The following MIER3 variants were observed in gnomAD, a reference collection of about 807,000 sequenced individuals.
MIER3 encodes the protein mesoderm induction early response protein 3.
A neutral mutation model predicts 63.2 loss-of-function variants in MIER3; 9 were observed. That is an observed-to-expected ratio of 0.14 (90% CI 0.09 to 0.25). The LOEUF is 0.25. MIER3 is among the 10% of genes least tolerant of loss of function. The pLI is 1.00. For synonymous variants in MIER3, 205 were observed against 224.9 expected (o/e 0.91, Z 0.79); for missense variants, 512 against 666.2 (o/e 0.77, Z 2.55).
rs551087924 is a variant in MIER3 at position 56,946,305 on chromosome 5, C to T, written c.180+621G>A. Among the ~76,000 whole-genome samples the T allele has an allele frequency of 2.0e-5, 3 of 152,254 alleles. No individual in the cohort carries two copies. In the Middle Eastern group the frequency reaches 0.01, roughly 518 times the overall value. The stretch of plus-strand genomic sequence containing the variant: ...ATCCTACACGTTTTCAAGGTGACCC[C>T]TATAGGGACCTCTCTATATACAGTC... On this transcript the variant is annotated intron_variant, in intron 3 of 12. Coordinates refer to ENST00000381199, the MANE Select transcript of MIER3 (RefSeq NM_001297599.2).
In MIER3 at chr5:56,946,896, T is replaced by G. The variant is rs754754706; in HGVS notation, c.180+30A>C. The G allele has an allele frequency of 2.3e-5, 33 of 1,407,472 alleles. No homozygotes were observed. The African/African-American group carries it at 5.0e-4, about 21-fold the overall frequency. The allele number at this position is 1,407,472 out of a possible 1,614,324, so 87.2% of individuals were successfully genotyped here. On this transcript the variant is annotated intron_variant, in intron 3 of 12. Transcript: ENST00000381199. Reference sequence around the variant, plus strand: ...TACAACAGAATTTCAAAATCTTTGTTAAGTTTGTATATTAAAGTAAATCTT... The same window carrying G: ...TACAACAGAATTTCAAAATCTTTGTGAAGTTTGTATATTAAAGTAAATCTT...
chr5:56,944,405 C>T (rs887711677), intron 3 of MIER3, among the ~76,000 whole-genome samples: 5 of 151,984 alleles, frequency 3.3e-5, no homozygotes, highest in Admixed American at 1.3e-4. Context: ...GGCGTGAATC[C>T]GGGAGGCGGA....
Position 56,935,714 on chromosome 5 carries a change from A to C in MIER3, c.474T>G (p.Val158=). ...TACCACTGTCTGTTTCAACATCTTC[A>C]ACCTCTGATTCCTTATCACCATCAC... is the stretch of plus-strand genomic sequence containing the variant. ...TACDGDKESE[V]EDVETDSGNS... Residue 158 remains valine, a synonymous_variant, in exon 6 of 13, where the codon GTT becomes GTG. Coordinates refer to ENST00000381199, the MANE Select transcript of MIER3 (RefSeq NM_001297599.2). 2.5e-6 allele frequency: 4 copies of C among 1,614,090 alleles called. No homozygotes were observed. Among genetic ancestry groups the C allele is most frequent in the Non-Finnish European group, 3.4e-6 (4 of 1,179,994 alleles).
chr5:56,923,805 T>C lies in MIER3; in HGVS notation c.1081A>G (p.Thr361Ala). 1.2e-6 allele frequency: 2 copies of C among 1,614,208 alleles called. No individual in the cohort carries two copies. The highest frequency in any genetic ancestry group is 1.1e-5 in the South Asian group (1 of 91,084). ...TTTACCGTCCCACCCAAAGCTTCTGTTTCATCTACTAAACGATCCATATAG... is the reference window on the plus strand; with the variant it reads ...TTTACCGTCCCACCCAAAGCTTCTGCTTCATCTACTAAACGATCCATATAG... ...TDYMDRLVDE[T>A]EALGGTVNAS... The change falls in exon 12 of 13, where the codon ACA becomes GCA. Residue 361 changes from threonine to alanine, a missense_variant. Thr to Ala is a moderately conservative substitution (Grantham distance 58). Coordinates refer to ENST00000381199, the MANE Select transcript of MIER3 (RefSeq NM_001297599.2).
chr5:56,920,458 A>C lies in MIER3; in HGVS notation c.*2670T>G, dbSNP rs534728486. Reference sequence around the variant, plus strand: ...AAATAATGGGGCAAAGGAAAAAAAAACAAAAAGAATTTATCACAGTTTGTT... The same window carrying C: ...AAATAATGGGGCAAAGGAAAAAAAACCAAAAAGAATTTATCACAGTTTGTT... On this transcript the variant is annotated 3_prime_UTR_variant, in exon 13 of 13. Coordinates refer to ENST00000381199, the MANE Select transcript of MIER3 (RefSeq NM_001297599.2). The C allele has an allele frequency of 2.9e-4, 44 of 152,700 alleles. No individual in the cohort carries two copies. The highest frequency in any genetic ancestry group is 1.1e-3 in the African/African-American group (44 of 41,578). The allele number at this position is 152,700 out of a possible 1,614,324, so 9.5% of individuals were successfully genotyped here. A position where few individuals can be genotyped will look rare whatever the true frequency, so the allele number is the denominator to read the frequency against.
At chr5:56,947,199 T>C (rs1441228898) in intron 2 of MIER3, 128 bp from the exon 3 acceptor site, 6 of 899,748 alleles carry the variant, frequency 6.7e-6, no homozygotes, top group African/African-American at 1.8e-5. Flanking sequence ...GAATTTACTA[T>C]ATAATTTATA....
chr5:56,949,314 T>C (rs1750935601), intron 2 of MIER3, among the ~76,000 whole-genome samples: 1 of 151,972 alleles, frequency 6.6e-6, no homozygotes, highest in East Asian at 1.9e-4. Context: ...GATTGCCCCA[T>C]TGCACTCCAG....
Position 56,924,455 on chromosome 5 carries a change from C to G in MIER3, c.925-413G>C, listed in dbSNP as rs1749860218. 3.3e-5 allele frequency among the ~76,000 whole-genome samples: 5 copies of G among 152,138 alleles called. No homozygotes were observed. In the South Asian group the frequency reaches 1.0e-3, roughly 31 times the overall value. On this transcript the variant is annotated intron_variant, in intron 10 of 12. Coordinates refer to ENST00000381199, the MANE Select transcript of MIER3 (RefSeq NM_001297599.2). ...GTCCATAAATGGATTTCATTGAGAT[C>G]TATTAATTCACAAAATTATATTTAG...
intron 3 of MIER3, 141 bp from the exon 4 acceptor site, chr5:56,939,158 G>T: frequency 1.1e-6 from 1 of 890,696 alleles, no homozygotes; most frequent in Non-Finnish European, 1.6e-6. Context: ...TTTTCTTTTT[G>T]TGCTGTTGTC....
At chr5:56,950,562 G>A in intron 2 of MIER3, 66 bp downstream of exon 2, 2 of 1,521,590 alleles carry the variant, frequency 1.3e-6, no homozygotes, top group South Asian at 1.1e-5. Context: ...GAATCCTTTA[G>A]CAACAGACCT....
At position 56,923,309 on chromosome 5, in the gene MIER3, G is replaced by A; in HGVS notation, c.1472C>T (p.Ser491Phe). 1 of 1,614,170 alleles carries A rather than the reference G, an allele frequency of 6.2e-7. No individual in the cohort carries two copies. The highest frequency in any genetic ancestry group is 1.3e-5 in the African/African-American group (1 of 75,044). ...RLKMGIAVPESFMNEVSVNNL... is the reference protein window; with the variant it reads ...RLKMGIAVPEFFMNEVSVNNL... ...ATTTACAGAAACTTCATTCATAAAG[G>A]ATTCAGGGACGGCAATGCCCATTTT... is the stretch of plus-strand genomic sequence containing the variant. The change falls in exon 13 of 13, where the codon TCC (serine) becomes TTC (phenylalanine). Residue 491 changes from serine (S) to phenylalanine (F), a missense_variant. By Grantham distance (155) the Ser-to-Phe change is radical. Around this residue, in one of 5 missense-constraint regions of MIER3, gnomAD observed 218 missense variants for 251.2 expected, o/e 0.87. Transcript: ENST00000381199.
At chr5:56,952,005 C>A in intron 1 of MIER3, 89 bp downstream of exon 1, 1 of 1,121,152 alleles carries the variant, frequency 8.9e-7, no homozygotes, top group African/African-American at 1.7e-5. Flanking sequence ...CGGAAAGAGC[C>A]CCGGATCCCC....
chr5:56,932,553 T>C (rs991679103), intron 8 of MIER3, among the ~76,000 whole-genome samples: 1 of 152,096 alleles, frequency 6.6e-6, no homozygotes, highest in Admixed American at 6.5e-5. Flanking sequence ...TTAGTCAGGG[T>C]TGGTGATTCT....
Position 56,919,824 on chromosome 5 carries a change from G to A in MIER3, c.*3304C>T, listed in dbSNP as rs1749583632. On this transcript the variant is annotated 3_prime_UTR_variant, in exon 13 of 13. Coordinates refer to ENST00000381199, the MANE Select transcript of MIER3 (RefSeq NM_001297599.2). ...CAAACTGGGACAATTGGAATCACTGGTCATCTAAGAGGAATATTAATATCT... is the reference window on the plus strand; with the variant it reads ...CAAACTGGGACAATTGGAATCACTGATCATCTAAGAGGAATATTAATATCT... 1 of 152,492 alleles carries A rather than the reference G, an allele frequency of 6.6e-6. No homozygotes were observed. The highest frequency in any genetic ancestry group is 6.5e-5 in the Admixed American group (1 of 15,272). The allele number at this position is 152,492 out of a possible 1,614,324, so 9.4% of individuals were successfully genotyped here.
At chr5:56,944,099 A>G (rs78513428) in intron 3 of MIER3, among the ~76,000 whole-genome samples, 2,205 of 152,168 alleles carry the variant, frequency 0.014, 20 homozygotes, top group Non-Finnish European at 0.024. Flanking sequence ...ACTCCCTCAC[A>G]TATCAGAATC....
In MIER3 at chr5:56,923,917, A is replaced by C. The variant is rs1334004229; in HGVS notation, c.1050T>G (p.Val350=). Reference sequence around the variant, plus strand: ...GAAGGCAAGGCCACAGTACTTACGTAACTCCAGGGTGATGGTTATATCTTT... The same window carrying C: ...GAAGGCAAGGCCACAGTACTTACGTCACTCCAGGGTGATGGTTATATCTTT... ...GKKRYNHHPG[V]TDYMDRLVDE... is the part of the protein sequence containing the mutation. Residue 350 remains valine, a splice_region_variant and synonymous_variant, in exon 11 of 13, where the codon GTT becomes GTG. Transcript: ENST00000381199. 1 of 1,614,082 alleles carries C rather than the reference A, an allele frequency of 6.2e-7. No homozygotes were observed. Among genetic ancestry groups the C allele is most frequent in the South Asian group, 1.1e-5 (1 of 91,062 alleles).
At position 56,933,322 on chromosome 5, in the gene MIER3, C is replaced by CTCA; in HGVS notation, c.669_671dup (p.Val223_Glu224insAsp). The CTCA allele has an allele frequency of 6.2e-7, 1 of 1,613,360 alleles. No individual in the cohort carries two copies. Among genetic ancestry groups the CTCA allele is most frequent in the Non-Finnish European group, 8.5e-7 (1 of 1,179,650 alleles). On this transcript the variant is annotated inframe_insertion, in exon 8 of 13. Coordinates refer to ENST00000381199, the MANE Select transcript of MIER3 (RefSeq NM_001297599.2). The stretch of plus-strand genomic sequence containing the variant: ...TTTCACTGCCAGTCCTTAATGAAGT[C>CTCA]TCAACAAGGTATTCCTTAACTTTGC...
At chr5:56,943,360 A>C (rs1216529578) in intron 3 of MIER3, among the ~76,000 whole-genome samples, 1 of 152,024 alleles carries the variant, frequency 6.6e-6, no homozygotes, top group Non-Finnish European at 1.5e-5. Flanking sequence ...TAGAAGAATA[A>C]ATTGAGGGCA....
chr5:56,945,784 C>T (rs924523157), intron 3 of MIER3, among the ~76,000 whole-genome samples: 4 of 152,100 alleles, frequency 2.6e-5, no homozygotes, highest in African/African-American at 9.7e-5. Context: ...ACATCAATCC[C>T]CTAAGACTGT....
Sources: gnomAD v4.1 joint callset for allele counts (sites outside exome capture counted in the v4.1 genomes callset) on GRCh38, gnomAD v4.1.1 for gene constraint, gnomAD v4.1.1 regional missense constraint, MANE v1.5 for transcripts, NCBI Gene and HGNC (gene_info 2026-07-23, HGNC 2026-07-21) for gene names.